Variants in KRT8 observed in about 807,000 individuals in gnomAD.
KRT8 encodes the protein keratin 8.
In KRT8, 24 loss-of-function variants were observed where a neutral mutation model predicts 43.0. The observed-to-expected ratio is 0.56, with a 90% CI of 0.40 to 0.78. The LOEUF (loss-of-function observed/expected upper bound fraction) is 0.78, where lower values mean the gene tolerates loss of function less well. Ranked by LOEUF, KRT8 falls within the 30% of genes least tolerant of loss-of-function variation. KRT8 has a pLI of 0.00. For synonymous variants in KRT8, 214 were observed against 261.2 expected (o/e 0.82, Z 1.74); for missense variants, 492 against 638.4 (o/e 0.77, Z 2.47).
upstream of KRT8, among the ~76,000 whole-genome samples, chr12:52,911,966 T>C (rs1941645330): frequency 6.6e-6 from 1 of 151,938 alleles, no homozygotes; most frequent in South Asian, 2.1e-4. Context: ...GAGGTGGAGG[T>C]TGCAGTGAGC....
At chr12:52,946,852 C>G (rs1369711336) in intron 2 of KRT8, 1 of 152,334 alleles carries the variant, frequency 6.6e-6, no homozygotes, top group Non-Finnish European at 1.5e-5. Flanking sequence ...TGACTGCCCC[C>G]TGGCTGGCTC....
intron 2 of KRT8, among the ~76,000 whole-genome samples, chr12:52,921,035 T>A (rs1369802260): frequency 6.6e-6 from 1 of 152,316 alleles, no homozygotes; most frequent in South Asian, 2.1e-4. Flanking sequence ...CCAACTCAGA[T>A]ACAATGACCC....
chr12:52,898,728 C>T, exon 6 of KRT8: 1 of 1,614,216 alleles, frequency 6.2e-7, no homozygotes, highest in Non-Finnish European at 8.5e-7. Flanking sequence ...ATCTCGATGT[C>T]CAGGGCCAGC....
At chr12:52,901,281 T>C in intron 2 of KRT8, 62 bp from the exon 3 acceptor site, 1 of 1,150,646 alleles carries the variant, frequency 8.7e-7, no homozygotes, top group Non-Finnish European at 1.3e-6. Context: ...CTTGGTCTTT[T>C]GGGAGACAGG....
upstream of KRT8, among the ~76,000 whole-genome samples, chr12:52,908,445 T>C (rs1447203133): frequency 6.6e-6 from 1 of 152,198 alleles, no homozygotes; most frequent in African/African-American, 2.4e-5. Flanking sequence ...TTCTTTAATG[T>C]GGCATATCCA....
chr12:52,902,667 C>T (rs568983595), intron 1 of KRT8, among the ~76,000 whole-genome samples: 6 of 152,064 alleles, frequency 3.9e-5, no homozygotes, highest in African/African-American at 9.6e-5. Context: ...GGATTATAGG[C>T]GTAAGCCACC....
chr12:52,898,102 T>G (rs1180202715), intron 7 of KRT8, among the ~76,000 whole-genome samples: 1 of 152,008 alleles, frequency 6.6e-6, no homozygotes, highest in African/African-American at 2.4e-5. Context: ...GAGGTGGAGG[T>G]TACAGTGAGC....
intron 2 of KRT8, among the ~76,000 whole-genome samples, chr12:52,914,015 G>C (rs745885591): frequency 1.3e-5 from 2 of 152,168 alleles, no homozygotes; most frequent in African/African-American, 2.4e-5. Flanking sequence ...CTGAAGTCAG[G>C]AGATCAAGAC....
intron 2 of KRT8, chr12:52,901,576 C>T (rs7312756): frequency 0.53 from 301,380 of 568,162 alleles, 81,723 homozygotes; most frequent in South Asian, 0.7. Flanking sequence ...GTGAGGCCCA[C>T]AGGCTGCCTA....
intron 6 of KRT8, 40 bp downstream of exon 6, chr12:52,898,639 G>A (rs1436863313): frequency 1.2e-6 from 2 of 1,613,712 alleles, no homozygotes; most frequent in East Asian, 2.2e-5. Context: ...CAGGTCCCAG[G>A]GATAGGGAAG....
Position 52,923,434 on chromosome 12 carries a change from T to C in KRT8, c.-46-18407A>G, listed in dbSNP as rs139281944. Among the ~76,000 whole-genome samples the C allele has an allele frequency of 9.8e-3, 1,485 of 152,304 alleles. 23 individuals are homozygous for C. Among genetic ancestry groups the C allele is most frequent in the African/African-American group, 0.034 (1,430 of 41,570 alleles). ...ATTGTTTTGTTTTGTTTTGTTTTGT[T>C]TTTGAGATGGAGTCTCGCTGTGTTG... On this transcript the variant is annotated intron_variant, in intron 2 of 6. Transcript: ENST00000546826.
chr12:52,901,016 C>A (rs1180450530), intron 3 of KRT8, 143 bp downstream of exon 3: 1 of 771,718 alleles, frequency 1.3e-6, no homozygotes, highest in Admixed American at 1.7e-5. Flanking sequence ...CCTTGTCTAC[C>A]TTTCTGTGCA....
intron 2 of KRT8, among the ~76,000 whole-genome samples, chr12:52,936,607 G>A (rs919793509): frequency 4.6e-5 from 7 of 152,170 alleles, no homozygotes; most frequent in South Asian, 2.1e-4. Context: ...CTGCCTCCCA[G>A]GTTCAAGCGA....
At chr12:52,910,177 G>T (rs1293130269), upstream of KRT8, among the ~76,000 whole-genome samples, 1 of 152,152 alleles carries the variant, frequency 6.6e-6, no homozygotes. Flanking sequence ...CCCAGCTATG[G>T]CTCAGTCCAC....
intron 2 of KRT8, among the ~76,000 whole-genome samples, chr12:52,922,260 C>T (rs1157891879): frequency 3.3e-5 from 5 of 150,768 alleles, no homozygotes. Context: ...CCCCGTCTGC[C>T]TCCAAAGCCA....
rs564775965 is a variant in KRT8 at position 52,898,899 on chromosome 12, T to C, written c.982A>G (p.Arg328Gly). ...GCAATGGCGGCCTCCAGGGAAGCCCTCTGTGGGGTAGGGGACAGGTAAGTA... is the reference window on the plus strand; with the variant it reads ...GCAATGGCGGCCTCCAGGGAAGCCCCCTGTGGGGTAGGGGACAGGTAAGTA... The change falls in exon 6 of 8, where the codon AGG becomes GGG. Residue 328 changes from arginine to glycine, a missense_variant and splice_region_variant. Arg to Gly is a moderately radical substitution (Grantham distance 125). Coordinates refer to ENST00000692008, the Ensembl canonical transcript of KRT8. 5 of 1,613,138 alleles carry C rather than the reference T, an allele frequency of 3.1e-6. No homozygotes were observed. In the African/African-American group the frequency reaches 6.7e-5, roughly 22 times the overall value.
chr12:52,915,823 C>T (rs1592172626), intron 2 of KRT8, among the ~76,000 whole-genome samples: 1 of 152,162 alleles, frequency 6.6e-6, no homozygotes, highest in Non-Finnish European at 1.5e-5. Flanking sequence ...GACGTGGAAC[C>T]AGAGAAGCCA....
At chr12:52,938,170 A>ATATATAT (rs1555189967) in intron 2 of KRT8, among the ~76,000 whole-genome samples, 55 of 30,280 alleles carry the variant, frequency 1.8e-3, no homozygotes, top group East Asian at 3.4e-3. Context: ...ATATATATAT[A>ATATATAT]TTTTTTTTTT....
intron 2 of KRT8, among the ~76,000 whole-genome samples, chr12:52,916,244 G>C (rs972510334): frequency 3.9e-5 from 6 of 152,044 alleles, no homozygotes; most frequent in African/African-American, 1.4e-4. Flanking sequence ...GATGGTAGGG[G>C]CAAAAACTAG....
Sources: gnomAD v4.1 joint callset for allele counts (sites outside exome capture counted in the v4.1 genomes callset) on GRCh38, gnomAD v4.1.1 for gene constraint, MANE v1.5 for transcripts, NCBI Gene and HGNC (gene_info 2026-07-23, HGNC 2026-07-21) for gene names.